CNTN6: variants seen among roughly 807,000 people sequenced by gnomAD.
CNTN6 encodes contactin 6, also known as contactin-6.
CNTN6 carries 137 observed loss-of-function variants against 122.8 expected under a neutral mutation model. The ratio of observed to expected loss-of-function variants is 1.12; its 90% CI spans 0.97 to 1.29. CNTN6 has a LOEUF of 1.29. Ranked by LOEUF, CNTN6 falls within the 50% of genes most tolerant of loss-of-function variation. CNTN6 has a pLI of 0.00. For synonymous variants in CNTN6, 570 were observed against 426.0 expected (o/e 1.34, Z -4.16); for missense variants, 1,634 against 1,223.4 (o/e 1.34, Z -5.01).
intron 1 of CNTN6, among the ~76,000 whole-genome samples, chr3:1,120,080 T>C (rs1444156166): frequency 2.0e-5 from 3 of 152,056 alleles, no homozygotes; most frequent in Non-Finnish European, 4.4e-5. Context: ...TATTGCTGAG[T>C]AGTATTCCAT....
intron 7 of CNTN6, among the ~76,000 whole-genome samples, chr3:1,312,565 A>C (rs1033486013): frequency 6.6e-6 from 1 of 151,636 alleles, no homozygotes; most frequent in Non-Finnish European, 1.5e-5. Flanking sequence ...AGGCATCTCA[A>C]TATGTTTTAA....
rs572997977 is a variant in CNTN6, at chr3:1,228,179, A to T, written c.358+186A>T. On this transcript the variant is annotated intron_variant, in intron 4 of 22. Transcript: ENST00000446702. Reference sequence around the variant, plus strand: ...ATAATAGAAACCTGCTTCTAAAAAAAGAATAAAAAAAACAGGGAAAAGATC... The same window carrying T: ...ATAATAGAAACCTGCTTCTAAAAAATGAATAAAAAAAACAGGGAAAAGATC... Among the ~76,000 whole-genome samples the T allele has an allele frequency of 7.5e-4, 114 of 152,340 alleles. 2 individuals carry two copies. Among genetic ancestry groups the T allele is most frequent in the African/African-American group, 2.7e-3 (111 of 41,584 alleles).
chr3:1,385,876 C>G, intron 20 of CNTN6, 79 bp downstream of exon 20: 3 of 1,318,128 alleles, frequency 2.3e-6, no homozygotes, highest in Non-Finnish European at 3.1e-6. Flanking sequence ...TCATTTCATT[C>G]CCACACCTCA....
At chr3:1,300,001 G>T (rs1195470604) in intron 7 of CNTN6, among the ~76,000 whole-genome samples, 1 of 151,558 alleles carries the variant, frequency 6.6e-6, no homozygotes, top group Non-Finnish European at 1.5e-5. Flanking sequence ...TTTTGAGACG[G>T]AGTCTTGCTC....
chr3:1,174,961 G>A (rs1466807578), intron 2 of CNTN6, among the ~76,000 whole-genome samples: 2 of 152,176 alleles, frequency 1.3e-5, no homozygotes, highest in East Asian at 3.9e-4. Context: ...TCTTGGCAGA[G>A]TGTGGTGGGC....
chr3:1,142,573 A>T (rs1375477073), intron 1 of CNTN6, among the ~76,000 whole-genome samples: 1 of 152,154 alleles, frequency 6.6e-6, no homozygotes, highest in Non-Finnish European at 1.5e-5. Context: ...TAAACGAGAG[A>T]TCAGCAAAAG....
At chr3:1,315,778 T>A (rs1056197369) in intron 7 of CNTN6, among the ~76,000 whole-genome samples, 8 of 151,908 alleles carry the variant, frequency 5.3e-5, no homozygotes, top group Admixed American at 1.3e-4. Context: ...CCTGCCCTTG[T>A]CATGATGAAG....
At chr3:1,225,384 A>C (rs2094267513) in intron 3 of CNTN6, among the ~76,000 whole-genome samples, 1 of 152,198 alleles carries the variant, frequency 6.6e-6, no homozygotes, top group South Asian at 2.1e-4. Flanking sequence ...TACCGTAGTG[A>C]TCAGAATGAT....
chr3:1,235,915 G>A (rs1033994473), intron 4 of CNTN6, among the ~76,000 whole-genome samples: 1 of 152,008 alleles, frequency 6.6e-6, no homozygotes, highest in Non-Finnish European at 1.5e-5. Flanking sequence ...CACGCTGTGT[G>A]GGGGTGGGGT....
intron 4 of CNTN6, among the ~76,000 whole-genome samples, chr3:1,252,714 C>G (rs2094690541): frequency 6.6e-6 from 1 of 152,070 alleles, no homozygotes; most frequent in African/African-American, 2.4e-5. Flanking sequence ...TATTTTACTG[C>G]AGAGAAATAA....
intron 4 of CNTN6, among the ~76,000 whole-genome samples, chr3:1,272,082 C>A (rs1575503290): frequency 1.3e-5 from 2 of 152,334 alleles, no homozygotes; most frequent in African/African-American, 4.8e-5. Flanking sequence ...AGTTCCCCTG[C>A]ATACACTGTC....
rs60446192 is a variant in CNTN6 at position 1,194,624 on chromosome 3, G to C, written c.56-26063G>C. On this transcript the variant is annotated intron_variant, in intron 2 of 22. Transcript: ENST00000446702. ...TTATCACCCTCCTCTCCTCACAAAG[G>C]AGACTTTTGAGACCACTGCCAATGA... Among the ~76,000 whole-genome samples the C allele has an allele frequency of 3.0e-3, 450 of 151,960 alleles. 8 individuals are homozygous for C. In the East Asian group the frequency reaches 0.079, roughly 27 times the overall value.
intron 17 of CNTN6, among the ~76,000 whole-genome samples, chr3:1,377,574 T>C (rs4684939): frequency 0.097 from 14,818 of 152,230 alleles, 911 homozygotes; most frequent in Middle Eastern, 0.15. Context: ...TTTTACCTTA[T>C]TAAAAATTTC....
At chr3:1,126,560 ACTGT>A (rs1289398152) in intron 1 of CNTN6, among the ~76,000 whole-genome samples, 2 of 151,778 alleles carry the variant, frequency 1.3e-5, no homozygotes, top group Non-Finnish European at 2.9e-5. Flanking sequence ...CTATTTTCCT[ACTGT>A]CTGTCACCAC....
chr3:1,223,149 A>C (rs2094231281), intron 3 of CNTN6, among the ~76,000 whole-genome samples: 1 of 152,186 alleles, frequency 6.6e-6, no homozygotes, highest in African/African-American at 2.4e-5. Context: ...CTTAGAAGGA[A>C]AGCCTTCACA....
intron 4 of CNTN6, among the ~76,000 whole-genome samples, chr3:1,250,623 C>T (rs2094649881): frequency 2.0e-5 from 3 of 152,156 alleles, no homozygotes; most frequent in Non-Finnish European, 4.4e-5. Flanking sequence ...TTGCCCAAAC[C>T]TTCATCTACA....
chr3:1,245,175 A>G (rs1331836254), intron 4 of CNTN6, among the ~76,000 whole-genome samples: 1 of 28 alleles, frequency 0.036, no homozygotes, highest in Non-Finnish European at 0.071. Flanking sequence ...CCATCAATCA[A>G]CAAGTAGGGT....
chr3:1,212,332 G>C (rs2094053290), intron 2 of CNTN6, among the ~76,000 whole-genome samples: 1 of 149,350 alleles, frequency 6.7e-6, no homozygotes, highest in African/African-American at 2.5e-5. Context: ...CCAAAGTGTG[G>C]GGATTACAGG....
intron 5 of CNTN6, among the ~76,000 whole-genome samples, chr3:1,279,637 C>A (rs1339636410): frequency 6.6e-6 from 1 of 152,152 alleles, no homozygotes; most frequent in Non-Finnish European, 1.5e-5. Context: ...TCTTAACTAT[C>A]ACTGCAGTTG....
Sources: allele counts gnomAD v4.1 joint callset (sites outside exome capture counted in the v4.1 genomes callset), GRCh38; gene constraint gnomAD v4.1.1; transcripts MANE v1.5; gene names NCBI Gene and HGNC (gene_info 2026-07-23, HGNC 2026-07-21).